Variants in SP100 observed in about 807,000 individuals in gnomAD.
SP100 encodes the protein nuclear autoantigen Sp-100.
In SP100, 84 loss-of-function variants were observed where a neutral mutation model predicts 130.0. That is an observed-to-expected ratio of 0.65 (90% CI 0.54 to 0.77). SP100 has a LOEUF of 0.77. Among genes scored for constraint, SP100 ranks in the 30% least tolerant of loss-of-function variants. SP100 has a pLI of 0.00. For missense variants in SP100, 978 were observed against 1,052.2 expected (o/e 0.93, Z 0.97); for synonymous variants, 331 against 351.7 (o/e 0.94, Z 0.66).
chr2:230,475,876 G>C (rs1007242468), intron 17 of SP100, among the ~76,000 whole-genome samples: 6 of 152,062 alleles, frequency 3.9e-5, no homozygotes, highest in Non-Finnish European at 8.8e-5. Context: ...TGAGTTCTCT[G>C]TTCTGTTCCA....
intron 27 of SP100, among the ~76,000 whole-genome samples, chr2:230,541,676 C>T (rs1289954750): frequency 1.3e-5 from 2 of 152,226 alleles, no homozygotes; most frequent in East Asian, 3.9e-4. Flanking sequence ...AAGGAGAGAA[C>T]TCTCCAGAGT....
intron 17 of SP100, among the ~76,000 whole-genome samples, chr2:230,477,860 G>A (rs751672351): frequency 9.9e-5 from 15 of 151,546 alleles, no homozygotes; most frequent in East Asian, 5.8e-4. Context: ...GCTTGAACCC[G>A]GGAGGCAGAG....
chr2:230,520,346 A>T (rs572494606), intron 24 of SP100, among the ~76,000 whole-genome samples: 1 of 152,322 alleles, frequency 6.6e-6, no homozygotes, highest in Non-Finnish European at 1.5e-5. Flanking sequence ...GCACTCAAAA[A>T]TGAGAAAGCT....
chr2:230,417,560 T>C, intron 1 of SP100, 31 bp from the exon 2 acceptor site: 2 of 1,604,056 alleles, frequency 1.2e-6, no homozygotes, highest in South Asian at 1.1e-5. Flanking sequence ...GGTCCAGTTA[T>C]TTACTTGGTC....
chr2:230,478,042 A>T (rs1316236892), intron 17 of SP100, among the ~76,000 whole-genome samples: 1 of 152,076 alleles, frequency 6.6e-6, no homozygotes, highest in African/African-American at 2.4e-5. Context: ...TCCACTAAAA[A>T]TTTTTTTGTA....
chr2:230,528,039 G>A (rs904026040), intron 24 of SP100, among the ~76,000 whole-genome samples: 47 of 152,168 alleles, frequency 3.1e-4, no homozygotes, highest in African/African-American at 1.0e-3. Flanking sequence ...AGGTTAACAA[G>A]GATATCCAGG....
chr2:230,429,765 C>A (rs1432944805), intron 2 of SP100, among the ~76,000 whole-genome samples: 1 of 151,824 alleles, frequency 6.6e-6, no homozygotes, highest in African/African-American at 2.4e-5. Flanking sequence ...TTAAATTCTT[C>A]CATCCAGTCA....
rs77467886 is a variant in SP100, at chr2:230,540,015, G to A, written c.2210+633G>A. 8.9e-3 allele frequency among the ~76,000 whole-genome samples: 1,351 copies of A among 152,298 alleles called. 21 individuals carry two copies. Among genetic ancestry groups the A allele is most frequent in the African/African-American group, 0.031 (1,274 of 41,548 alleles). On this transcript the variant is annotated intron_variant, in intron 25 of 28. Coordinates refer to ENST00000340126, the MANE Select transcript of SP100 (RefSeq NM_001080391.2). ...GGGCAGAGCATTGCCCTTCCATAATGGAGGAGGCTAATGTGACCCACCTGC... is the reference window on the plus strand; with the variant it reads ...GGGCAGAGCATTGCCCTTCCATAATAGAGGAGGCTAATGTGACCCACCTGC...
intron 8 of SP100, among the ~76,000 whole-genome samples, chr2:230,453,699 A>G (rs1327034939): frequency 1.3e-5 from 2 of 152,048 alleles, no homozygotes; most frequent in Admixed American, 6.5e-5. Context: ...ACTGAATTTG[A>G]TAGTATTTTA....
In SP100 at chr2:230,544,164, T is replaced by C. The variant is rs1692257038; in HGVS notation, c.*1218T>C. 1 of 152,130 alleles carries C rather than the reference T, an allele frequency of 6.6e-6. No homozygotes were observed. The highest frequency in any genetic ancestry group is 2.4e-5 in the African/African-American group (1 of 41,436). 9.4% of individuals were successfully genotyped at this position (152,130 alleles called of 1,614,324 possible). A position where few individuals can be genotyped will look rare whatever the true frequency, so the allele number is the denominator to read the frequency against. On this transcript the variant is annotated 3_prime_UTR_variant, in exon 29 of 29. Transcript: ENST00000340126. ...AACTCAAGATCAATTAAAGACTTAATGTAAAATCAAAAACTATGAAGACTC... is the reference window on the plus strand; with the variant it reads ...AACTCAAGATCAATTAAAGACTTAACGTAAAATCAAAAACTATGAAGACTC...
chr2:230,460,340 A>C (rs937209538), intron 8 of SP100, among the ~76,000 whole-genome samples: 1 of 152,240 alleles, frequency 6.6e-6, no homozygotes, highest in African/African-American at 2.4e-5. Context: ...TTTCACAAGC[A>C]TGTTGAGTAA....
intron 3 of SP100, 116 bp downstream of exon 3, chr2:230,443,215 G>A: frequency 1.1e-6 from 1 of 933,666 alleles, no homozygotes; most frequent in Non-Finnish European, 1.6e-6. Flanking sequence ...TCTCCTATGA[G>A]TGGGGAACTT....
Position 230,544,772 on chromosome 2 carries a change from T to C in SP100, c.*1826T>C, listed in dbSNP as rs1692267452. On this transcript the variant is annotated 3_prime_UTR_variant, in exon 29 of 29. Coordinates refer to ENST00000340126, the MANE Select transcript of SP100 (RefSeq NM_001080391.2). Reference sequence around the variant, plus strand: ...CTGGGATTACAGGCATCAGCCACCATGCCCGGATGAAAAGACACTTTCCAA... The same window carrying C: ...CTGGGATTACAGGCATCAGCCACCACGCCCGGATGAAAAGACACTTTCCAA... 6.6e-6 allele frequency among the ~76,000 whole-genome samples: 1 copy of C among 152,190 alleles called. No individual in the cohort carries two copies. Among genetic ancestry groups the C allele is most frequent in the Admixed American group, 6.5e-5 (1 of 15,278 alleles).
chr2:230,457,379 T>C (rs1279779847), intron 8 of SP100, among the ~76,000 whole-genome samples: 1 of 152,170 alleles, frequency 6.6e-6, no homozygotes, highest in Non-Finnish European at 1.5e-5. Context: ...GAGGCTGAAA[T>C]AGTGCTGTAG....
intron 17 of SP100, among the ~76,000 whole-genome samples, chr2:230,478,276 A>G (rs1290074683): frequency 6.6e-6 from 1 of 152,228 alleles, no homozygotes; most frequent in African/African-American, 2.4e-5. Context: ...TTATAAGTTT[A>G]GGGATCCAGA....
At chr2:230,514,516 TA>T (rs1183362228) in intron 24 of SP100, among the ~76,000 whole-genome samples, 1 of 152,218 alleles carries the variant, frequency 6.6e-6, no homozygotes, top group Non-Finnish European at 1.5e-5. Context: ...GGCTAGAATC[TA>T]ATAACAACTA....
intron 17 of SP100, among the ~76,000 whole-genome samples, chr2:230,475,904 T>G (rs957810639): frequency 2.0e-5 from 3 of 152,176 alleles, no homozygotes; most frequent in African/African-American, 7.2e-5. Flanking sequence ...ATGTGTCTGT[T>G]TTTGTACCAG....
chr2:230,538,290 T>G lies in SP100; in HGVS notation c.2095-977T>G, dbSNP rs944074766. On this transcript the variant is annotated intron_variant, in intron 24 of 28. Coordinates refer to ENST00000340126, the MANE Select transcript of SP100 (RefSeq NM_001080391.2). ...ACAATGGAACTTCAAACATAGGATT[T>G]GCCTGTGGTATTTATTCTTTCTTGG... The G allele has an allele frequency of 3.9e-5, 6 of 152,234 alleles. No homozygotes were observed. In the South Asian group the frequency reaches 1.2e-3, roughly 32 times the overall value. 9.4% of individuals were successfully genotyped at this position (152,234 alleles called of 1,614,324 possible). A position where few individuals can be genotyped will look rare whatever the true frequency, so the allele number is the denominator to read the frequency against.
At chr2:230,441,568 A>T (rs2063469064) in intron 2 of SP100, among the ~76,000 whole-genome samples, 1 of 152,228 alleles carries the variant, frequency 6.6e-6, no homozygotes, top group African/African-American at 2.4e-5. Context: ...AAAAATGAAC[A>T]AACTACTGTT....
Sources: allele counts gnomAD v4.1 joint callset (sites outside exome capture counted in the v4.1 genomes callset), GRCh38; gene constraint gnomAD v4.1.1; transcripts MANE v1.5; gene names NCBI Gene and HGNC (gene_info 2026-07-23, HGNC 2026-07-21).